Variants in NFKBIZ observed in about 807,000 individuals in gnomAD.
NFKBIZ encodes NFKB inhibitor zeta.
Under a neutral mutation model 76.8 loss-of-function variants are expected in NFKBIZ, and 19 were observed. The observed-to-expected ratio is 0.25, with a 90% CI of 0.17 to 0.36. The LOEUF is 0.36. Among genes scored for constraint, NFKBIZ ranks in the 10% least tolerant of loss-of-function variants. The probability of loss-of-function intolerance (pLI) is 1.00; values close to 1 mark genes in which losing one functional copy is unlikely to be tolerated. For missense variants in NFKBIZ, 829 were observed against 910.9 expected (o/e 0.91, Z 1.16); for synonymous variants, 368 against 354.8 (o/e 1.04, Z -0.42).
chr3:101,836,831 T>G (rs914774988), intron 2 of NFKBIZ, among the ~76,000 whole-genome samples: 1 of 152,260 alleles, frequency 6.6e-6, no homozygotes, highest in African/African-American at 2.4e-5. Context: ...TCACCTGGTC[T>G]CTTCTCTGCT....
chr3:101,839,501 C>A (rs1236387025), intron 2 of NFKBIZ, among the ~76,000 whole-genome samples: 1 of 152,146 alleles, frequency 6.6e-6, no homozygotes, highest in African/African-American at 2.4e-5. Context: ...TACTGTACTT[C>A]ATTTCTAGAT....
At chr3:101,847,511 A>G (rs1942868522), upstream of NFKBIZ, among the ~76,000 whole-genome samples, 1 of 152,224 alleles carries the variant, frequency 6.6e-6, no homozygotes, top group Non-Finnish European at 1.5e-5. Context: ...CGTTGTTTGA[A>G]CATTATGGAA....
chr3:101,831,650 T>C (rs1942649257), intron 2 of NFKBIZ, among the ~76,000 whole-genome samples: 1 of 151,720 alleles, frequency 6.6e-6, no homozygotes, highest in Non-Finnish European at 1.5e-5. Context: ...TCTCCTTTCT[T>C]TTTTTTTGAT....
At chr3:101,849,059 G>A (rs1009699707), upstream of NFKBIZ, 5 of 152,540 alleles carry the variant, frequency 3.3e-5, no homozygotes, top group African/African-American at 1.2e-4. Context: ...CTCCTTCCAG[G>A]ACTTGCCAGT....
rs759353307 is a variant in NFKBIZ, at chr3:101,857,279, T to A, written c.1936-13T>A. The A allele has an allele frequency of 1.2e-6, 2 of 1,614,070 alleles. No individual in the cohort carries two copies. The highest frequency in any genetic ancestry group is 1.1e-5 in the South Asian group (1 of 91,070). Reference sequence around the variant, plus strand: ...CCTTCCTGATGTCTGATAATTCATTTCTTTGTCTTCAGGCTTACAATGGCA... The same window carrying A: ...CCTTCCTGATGTCTGATAATTCATTACTTTGTCTTCAGGCTTACAATGGCA... On this transcript the variant is annotated splice_polypyrimidine_tract_variant and intron_variant, in intron 10 of 11. Transcript: ENST00000326172.
chr3:101,857,539 G>A (rs578105929), intron 11 of NFKBIZ, 80 bp downstream of exon 11: 19 of 1,578,822 alleles, frequency 1.2e-5, no homozygotes, highest in Middle Eastern at 2.3e-4. Flanking sequence ...TGTGCAGGGC[G>A]AAGGCCAGCT....
rs1943113617 is a variant in NFKBIZ at position 101,860,303 on chromosome 3, T to G, written c.*932T>G. ...AAGTGATCCTCCTACCTGAGCCTTC[T>G]GAGTAACTGGAACTACAGGTGTGCA... On this transcript the variant is annotated 3_prime_UTR_variant, in exon 12 of 12. Coordinates refer to ENST00000326172, the MANE Select transcript of NFKBIZ (RefSeq NM_031419.4). The G allele has an allele frequency of 6.6e-6, 1 of 151,986 alleles. No homozygotes were observed. Among genetic ancestry groups the G allele is most frequent in the South Asian group, 2.1e-4 (1 of 4,814 alleles). The allele number at this position is 151,986 out of a possible 1,614,324, so 9.4% of individuals were successfully genotyped here.
chr3:101,849,754 C>A lies in NFKBIZ; in HGVS notation c.126C>A (p.Ala42=). The A allele has an allele frequency of 1.4e-6, 2 of 1,451,806 alleles. No individual in the cohort carries two copies. Among genetic ancestry groups the A allele is most frequent in the Non-Finnish European group, 1.8e-6 (2 of 1,107,540 alleles). The allele number at this position is 1,451,806 out of a possible 1,614,324, so 89.9% of individuals were successfully genotyped here. The change falls in exon 1 of 12, where the codon GCC becomes GCA. Residue 42 remains alanine, a synonymous_variant. Coordinates refer to ENST00000326172, the MANE Select transcript of NFKBIZ (RefSeq NM_031419.4). ...ACTTCTACGGCGCGTCGCCGCCCGC[C>A]GCCGCCCCGGGCGCCTGCGACGCCA... ...LSYFYGASPP[A]AAPGACDASC...
chr3:101,855,230 T>C (rs1354601930), intron 7 of NFKBIZ, 22 bp downstream of exon 7: 3 of 1,602,314 alleles, frequency 1.9e-6, no homozygotes, highest in Non-Finnish European at 2.6e-6. Flanking sequence ...CAAACCAGGC[T>C]TCCATCATTG....
Position 101,853,391 on chromosome 3 carries a change from T to C in NFKBIZ, c.865T>C (p.Tyr289His). The part of the protein sequence containing the change: ...QMIDQASLYQ[Y>H]SPQNQHVEQQ... The stretch of plus-strand genomic sequence containing the variant: ...GATAGACCAGGCTTCCCTGTACCAG[T>C]ATTCTCCACAGAACCAGCATGTAGA... The change falls in exon 5 of 12, where the codon TAT (tyrosine) becomes CAT (histidine). Residue 289 changes from tyrosine to histidine, a missense_variant. This residue lies in a region of NFKBIZ where 371 missense variants were observed against 332.3 expected (regional missense o/e 1.12). Coordinates refer to ENST00000326172, the MANE Select transcript of NFKBIZ (RefSeq NM_031419.4). The C allele has an allele frequency of 6.2e-7, 1 of 1,614,062 alleles. No homozygotes were observed. Among genetic ancestry groups the C allele is most frequent in the Non-Finnish European group, 8.5e-7 (1 of 1,180,012 alleles).
intron 2 of NFKBIZ, among the ~76,000 whole-genome samples, chr3:101,837,304 G>C (rs908973905): frequency 1.3e-5 from 2 of 152,006 alleles, no homozygotes; most frequent in Non-Finnish European, 2.9e-5. Flanking sequence ...GGTATACCTG[G>C]CACTAGAATT....
Position 101,852,199 on chromosome 3 carries a change from C to T in NFKBIZ, c.404C>T (p.Ser135Phe). ...LHIRSHKQKA[S>F]GQAVDDFKTQ... ...ATCCGAAGTCATAAACAGAAGGCTT[C>T]TGGCCAAGCTGTGGATGATTTTAAG... is the stretch of plus-strand genomic sequence containing the variant. Residue 135 changes from serine (S) to phenylalanine (F), a missense_variant, in exon 2 of 12, where the codon TCT (serine) becomes TTT (phenylalanine). Around this residue, in one of 4 missense-constraint regions of NFKBIZ, gnomAD observed 371 missense variants for 332.3 expected, o/e 1.12. Coordinates refer to ENST00000326172, the MANE Select transcript of NFKBIZ (RefSeq NM_031419.4). 1 of 1,614,098 alleles carries T rather than the reference C, an allele frequency of 6.2e-7. No homozygotes were observed. Among genetic ancestry groups the T allele is most frequent in the Admixed American group, 1.7e-5 (1 of 59,992 alleles).
chr3:101,832,192 G>A (rs774041423), intron 2 of NFKBIZ, among the ~76,000 whole-genome samples: 18 of 151,978 alleles, frequency 1.2e-4, no homozygotes, highest in Non-Finnish European at 2.6e-4. Flanking sequence ...TCCCACCTTG[G>A]ACCCCAAAGT....
intron 2 of NFKBIZ, among the ~76,000 whole-genome samples, chr3:101,840,774 AGG>A (rs1212279042): frequency 6.6e-6 from 1 of 152,220 alleles, no homozygotes; most frequent in Non-Finnish European, 1.5e-5. Flanking sequence ...GCTGCCCATC[AGG>A]GGACAGACCT....
intron 9 of NFKBIZ, among the ~76,000 whole-genome samples, chr3:101,856,464 A>G: frequency 6.6e-6 from 1 of 152,260 alleles, no homozygotes; most frequent in Non-Finnish European, 1.5e-5. Context: ...TGAAAGGTAA[A>G]GAAAATGCTT....
chr3:101,842,240 T>G (rs1413117842), intron 2 of NFKBIZ, among the ~76,000 whole-genome samples: 3 of 151,968 alleles, frequency 2.0e-5, no homozygotes, highest in African/African-American at 7.3e-5. Context: ...AGCATGAGAT[T>G]TTGGTTGAGG....
intron 1 of NFKBIZ, among the ~76,000 whole-genome samples, chr3:101,851,831 G>A (rs956062490): frequency 1.3e-5 from 2 of 152,138 alleles, no homozygotes; most frequent in Non-Finnish European, 2.9e-5. Flanking sequence ...TTGGCTCTGA[G>A]GATCCTTGAC....
chr3:101,850,121 T>TCG (rs1407100899), intron 1 of NFKBIZ: 1 of 460,230 alleles, frequency 2.2e-6, no homozygotes, highest in Non-Finnish European at 3.6e-6. Flanking sequence ...CGGAACCGGC[T>TCG]CCCTCCCGCG....
chr3:101,828,728 A>G (rs1157139110), intron 1 of NFKBIZ, among the ~76,000 whole-genome samples: 7 of 152,320 alleles, frequency 4.6e-5, no homozygotes, highest in Non-Finnish European at 2.9e-5. Flanking sequence ...AAATTTGATG[A>G]TTTGGCTGGA....
Sources: allele counts gnomAD v4.1 joint callset (sites outside exome capture counted in the v4.1 genomes callset), GRCh38; gene constraint gnomAD v4.1.1; regional missense constraint gnomAD v4.1.1; transcripts MANE v1.5; gene names NCBI Gene and HGNC (gene_info 2026-07-23, HGNC 2026-07-21).